HS6ST2: variants seen among roughly 807,000 people sequenced by gnomAD.
HS6ST2 encodes heparan sulfate 6-O-sulfotransferase 2.
Under a neutral mutation model 33.0 loss-of-function variants are expected in HS6ST2, and 17 were observed. The ratio of observed to expected loss-of-function variants is 0.52; its 90% CI spans 0.35 to 0.77. The LOEUF (loss-of-function observed/expected upper bound fraction) is 0.77. HS6ST2 is among the 30% of genes least tolerant of loss of function. HS6ST2 has a pLI of 0.01. For missense variants in HS6ST2, 519 were observed against 551.7 expected (o/e 0.94, Z 0.59); for synonymous variants, 248 against 237.1 (o/e 1.05, Z -0.42).
At chrX:132,671,912 C>T (rs1602565638) in intron 3 of HS6ST2, among the ~76,000 whole-genome samples, 4 of 111,407 alleles carry the variant, frequency 3.6e-5, no homozygotes, top group East Asian at 2.8e-4. Context: ...CTTGGATCCT[C>T]GGAGCTTAAT....
intron 4 of HS6ST2, among the ~76,000 whole-genome samples, chrX:132,666,509 T>C (rs754577798): frequency 6.3e-5 from 7 of 111,823 alleles, no homozygotes; most frequent in African/African-American, 2.3e-4. Context: ...CATTATCCTC[T>C]TGGAGCCTCA....
intron 2 of HS6ST2, among the ~76,000 whole-genome samples, chrX:132,790,295 G>A (rs1465779134): frequency 1.8e-5 from 2 of 112,229 alleles, no homozygotes; most frequent in South Asian, 3.8e-4. Flanking sequence ...CTCATTGAAA[G>A]CTTAGATGAT....
upstream of HS6ST2, chrX:132,961,206 A>G (rs2148513336): frequency 9.1e-6 from 1 of 109,703 alleles, no homozygotes; most frequent in East Asian, 2.9e-4. Flanking sequence ...TCTAACACCA[A>G]CTGGAGTTGC....
intron 4 of HS6ST2, among the ~76,000 whole-genome samples, chrX:132,650,864 T>C (rs1374965740): frequency 9.1e-6 from 1 of 110,477 alleles, no homozygotes; most frequent in Non-Finnish European, 1.9e-5. Flanking sequence ...AGACTCAAAC[T>C]CCTGATTCTT....
intron 2 of HS6ST2, among the ~76,000 whole-genome samples, chrX:132,711,370 G>T (rs895764009): frequency 9.0e-6 from 1 of 110,838 alleles, no homozygotes; most frequent in Non-Finnish European, 1.9e-5. Context: ...ATTAAGACTT[G>T]GAAAACCCAG....
At chrX:132,807,735 T>A (rs758638705) in intron 2 of HS6ST2, among the ~76,000 whole-genome samples, 29 of 112,104 alleles carry the variant, frequency 2.6e-4, no homozygotes, top group Non-Finnish European at 4.7e-4. Flanking sequence ...CGATTTTGGC[T>A]GAAATGCAAG....
intron 2 of HS6ST2, among the ~76,000 whole-genome samples, chrX:132,951,511 A>G (rs989662996): frequency 3.6e-5 from 4 of 111,318 alleles, no homozygotes; most frequent in Non-Finnish European, 7.5e-5. Flanking sequence ...TAGAAAGGAA[A>G]GGGCCCTGGA....
intron 3 of HS6ST2, among the ~76,000 whole-genome samples, chrX:132,688,922 T>A (rs868797416): frequency 8.9e-6 from 1 of 112,341 alleles, no homozygotes; most frequent in Non-Finnish European, 1.9e-5. Context: ...GAAAACTGCC[T>A]TAACTGTATG....
At chrX:132,705,188 C>CGTGTGTGTGTGTGTGTGT (rs59172290) in intron 3 of HS6ST2, among the ~76,000 whole-genome samples, 8 of 103,231 alleles carry the variant, frequency 7.7e-5, no homozygotes, top group Non-Finnish European at 1.6e-4. Context: ...TGTGGGCACG[C>CGTGTGTGTGTGTGTGTGT]GTGTGTGTGT....
chrX:132,796,033 A>G (rs752281110), intron 2 of HS6ST2, among the ~76,000 whole-genome samples: 1 of 112,171 alleles, frequency 8.9e-6, no homozygotes, highest in South Asian at 3.7e-4. Flanking sequence ...CTCACAGGAT[A>G]CATGTGAGGA....
At chrX:132,704,924 G>A (rs1769177546) in intron 3 of HS6ST2, among the ~76,000 whole-genome samples, 1 of 111,889 alleles carries the variant, frequency 8.9e-6, no homozygotes, top group Non-Finnish European at 1.9e-5. Context: ...GCCAGACTAC[G>A]CTTTCAGTCT....
At chrX:132,794,464 G>C (rs1802682231) in intron 2 of HS6ST2, among the ~76,000 whole-genome samples, 1 of 110,630 alleles carries the variant, frequency 9.0e-6, no homozygotes, top group Non-Finnish European at 1.9e-5. Flanking sequence ...CATGATCATG[G>C]CTCACTGCAG....
chrX:132,641,186 T>TA (rs1373484528), intron 4 of HS6ST2, among the ~76,000 whole-genome samples: 1 of 112,798 alleles, frequency 8.9e-6, no homozygotes, highest in Non-Finnish European at 1.9e-5. Flanking sequence ...CTCTGTCTCC[T>TA]AGGCTGGAGT....
chrX:132,634,695 A>ACAGG (rs767899251), intron 4 of HS6ST2, among the ~76,000 whole-genome samples: 3 of 112,059 alleles, frequency 2.7e-5, no homozygotes, highest in Admixed American at 9.5e-5. Flanking sequence ...ACTGCCTGAA[A>ACAGG]CAGCAAAAGC....
chrX:132,690,422 C>G (rs1266071021), intron 3 of HS6ST2, among the ~76,000 whole-genome samples: 2 of 111,888 alleles, frequency 1.8e-5, no homozygotes, highest in East Asian at 5.6e-4. Flanking sequence ...GGAGATTCAG[C>G]TGTTTTATGT....
intron 3 of HS6ST2, among the ~76,000 whole-genome samples, chrX:132,704,119 G>C (rs771062131): frequency 1.2e-4 from 14 of 112,263 alleles, no homozygotes; most frequent in Non-Finnish European, 1.9e-4. Flanking sequence ...CCCAGCATAT[G>C]TGTATGTGTC....
Position 132,628,756 on chromosome X carries a change from C to T in HS6ST2, c.1405G>A (p.Ala469Thr). The change falls in exon 5 of 5, where the codon GCG becomes ACG. Residue 469 changes from alanine (A) to threonine (T), a missense_variant. By Grantham distance (58) the Ala-to-Thr change is moderately conservative (BLOSUM62 0). Coordinates refer to ENST00000370833, the MANE Select transcript of HS6ST2 (RefSeq NM_001394073.1). ...ESAKSNLKHM[A>T]FFGLTEFQRK... The stretch of plus-strand genomic sequence containing the variant: ...TGAAACTCAGTGAGGCCGAAGAACG[C>T]CATGTGCTTCAGATTTGACTTGGCA... 1 of 1,211,688 alleles carries T rather than the reference C, an allele frequency of 8.3e-7. No individual in the cohort carries two copies. Among genetic ancestry groups the T allele is most frequent in the Non-Finnish European group, 1.1e-6 (1 of 895,401 alleles).
intron 3 of HS6ST2, among the ~76,000 whole-genome samples, chrX:132,691,861 A>G (rs891154118): frequency 8.9e-6 from 1 of 111,850 alleles, no homozygotes; most frequent in East Asian, 2.8e-4. Context: ...ATCTTGTCTT[A>G]GTCTGACAAG....
chrX:132,890,160 T>C (rs2066293540), intron 2 of HS6ST2, among the ~76,000 whole-genome samples: 1 of 110,902 alleles, frequency 9.0e-6, no homozygotes, highest in Admixed American at 9.6e-5. Flanking sequence ...CATAGATCAT[T>C]TCATTTAATC....
Sources: allele counts gnomAD v4.1 joint callset (sites outside exome capture counted in the v4.1 genomes callset), GRCh38; gene constraint gnomAD v4.1.1; transcripts MANE v1.5; gene names NCBI Gene and HGNC (gene_info 2026-07-23, HGNC 2026-07-21).